MARCHF3: variants seen among roughly 807,000 people sequenced by gnomAD.
MARCHF3 encodes membrane associated ring-CH-type finger 3, also known as E3 ubiquitin-protein ligase MARCHF3.
MARCHF3 carries 13 observed loss-of-function variants against 24.2 expected under a neutral mutation model. The observed-to-expected ratio is 0.54, with a 90% CI of 0.35 to 0.85. The LOEUF (loss-of-function observed/expected upper bound fraction) is 0.85. Among genes scored for constraint, MARCHF3 ranks in the 40% least tolerant of loss-of-function variants. MARCHF3 has a pLI of 0.01. For missense variants in MARCHF3, 276 were observed against 325.0 expected (o/e 0.85, Z 1.16); for synonymous variants, 144 against 137.3 (o/e 1.05, Z -0.34).
At chr5:126,913,090 T>C (rs1288306688) in intron 3 of MARCHF3, among the ~76,000 whole-genome samples, 1 of 152,250 alleles carries the variant, frequency 6.6e-6, no homozygotes, top group Non-Finnish European at 1.5e-5. Context: ...TGTGGGTACA[T>C]GTTACCCTCT....
intron 3 of MARCHF3, among the ~76,000 whole-genome samples, chr5:126,896,474 C>G (rs998125432): frequency 6.6e-6 from 1 of 152,128 alleles, no homozygotes; most frequent in Non-Finnish European, 1.5e-5. Context: ...TCTGCTCCAA[C>G]TGGGAAACAC....
chr5:126,917,860 TCC>T, intron 2 of MARCHF3, 122 bp downstream of exon 2: 2 of 941,022 alleles, frequency 2.1e-6, no homozygotes, highest in South Asian at 2.1e-5. Flanking sequence ...TTTTTTTTTT[TCC>T]AGCACCTCCT....
chr5:126,984,989 A>G (rs768222863), intron 1 of MARCHF3, among the ~76,000 whole-genome samples: 79 of 152,124 alleles, frequency 5.2e-4, no homozygotes, highest in Admixed American at 9.2e-4. Flanking sequence ...CAGCCCTGGA[A>G]AAAAGAGGAA....
chr5:126,958,244 C>T (rs1750513823), intron 1 of MARCHF3, among the ~76,000 whole-genome samples: 1 of 152,074 alleles, frequency 6.6e-6, no homozygotes, highest in African/African-American at 2.4e-5. Context: ...ACTGAATGAT[C>T]ATGATGACAG....
At chr5:126,950,491 C>A (rs937759204) in intron 1 of MARCHF3, among the ~76,000 whole-genome samples, 3 of 152,186 alleles carry the variant, frequency 2.0e-5, no homozygotes, top group Non-Finnish European at 2.9e-5. Flanking sequence ...AGAGAACTTC[C>A]ACAGACTCTC....
chr5:126,899,368 C>G, intron 3 of MARCHF3: 1 of 912,010 alleles, frequency 1.1e-6, no homozygotes, highest in East Asian at 1.2e-4. Context: ...GTTTACCAAT[C>G]TGAATTATCT....
intron 3 of MARCHF3, among the ~76,000 whole-genome samples, chr5:126,887,740 A>C (rs1753552270): frequency 6.6e-6 from 1 of 152,256 alleles, no homozygotes; most frequent in African/African-American, 2.4e-5. Flanking sequence ...TCAGAGCCTT[A>C]CAGTGGCCGT....
At chr5:127,015,348 G>C (rs559663149) in intron 1 of MARCHF3, among the ~76,000 whole-genome samples, 1 of 152,236 alleles carries the variant, frequency 6.6e-6, no homozygotes, top group African/African-American at 2.4e-5. Context: ...GAGATCACCT[G>C]GGGAAAGGTC....
At chr5:126,974,277 A>G (rs1751120516) in intron 1 of MARCHF3, among the ~76,000 whole-genome samples, 1 of 152,162 alleles carries the variant, frequency 6.6e-6, no homozygotes, top group Non-Finnish European at 1.5e-5. Context: ...AGCAGGTCAG[A>G]TTGCTGGGAA....
chr5:126,981,451 A>C (rs1369096171), intron 1 of MARCHF3, among the ~76,000 whole-genome samples: 2 of 152,212 alleles, frequency 1.3e-5, no homozygotes, highest in Admixed American at 6.5e-5. Flanking sequence ...TAACTTAGTA[A>C]GACGAGTCTT....
chr5:126,968,700 G>A (rs891466833), intron 1 of MARCHF3, among the ~76,000 whole-genome samples: 3 of 152,092 alleles, frequency 2.0e-5, no homozygotes, highest in African/African-American at 7.2e-5. Flanking sequence ...GTAGTCTCCA[G>A]AGTAGCTGGG....
intron 3 of MARCHF3, among the ~76,000 whole-genome samples, chr5:126,892,695 AT>A (rs1375981248): frequency 3.3e-5 from 5 of 149,764 alleles, no homozygotes; most frequent in Non-Finnish European, 7.4e-5. Context: ...TTTTGCCAGT[AT>A]TTTATTGAGA....
intron 3 of MARCHF3, among the ~76,000 whole-genome samples, chr5:126,894,357 C>A (rs189543065): frequency 6.8e-6 from 1 of 146,948 alleles, no homozygotes; most frequent in African/African-American, 2.5e-5. Context: ...TTATTTTGCT[C>A]GTTAGTTGCA....
intron 1 of MARCHF3, among the ~76,000 whole-genome samples, chr5:126,930,544 A>G (rs1749447714): frequency 6.6e-6 from 1 of 152,212 alleles, no homozygotes; most frequent in Non-Finnish European, 1.5e-5. Context: ...TCATGCCTGT[A>G]TAGCTCAGGC....
At chr5:126,979,026 C>T (rs1751299503) in intron 1 of MARCHF3, among the ~76,000 whole-genome samples, 1 of 152,218 alleles carries the variant, frequency 6.6e-6, no homozygotes, top group South Asian at 2.1e-4. Context: ...TTTGTTACCT[C>T]TATCATATTT....
At chr5:126,996,822 G>GT (rs1751962950) in intron 1 of MARCHF3, among the ~76,000 whole-genome samples, 1 of 152,074 alleles carries the variant, frequency 6.6e-6, no homozygotes, top group African/African-American at 2.4e-5. Context: ...AAATAAGCGT[G>GT]AAGAGATAGA....
At chr5:126,888,843 C>T (rs953747172) in intron 3 of MARCHF3, among the ~76,000 whole-genome samples, 1 of 152,206 alleles carries the variant, frequency 6.6e-6, no homozygotes, top group East Asian at 1.9e-4. Context: ...TGGCTCACTG[C>T]AACCTCCACC....
At chr5:126,879,163 T>A (rs4836300) in intron 3 of MARCHF3, among the ~76,000 whole-genome samples, 1 of 152,060 alleles carries the variant, frequency 6.6e-6, no homozygotes, top group African/African-American at 2.4e-5. Context: ...GAATTAAGCA[T>A]ATTTGTTTGA....
At chr5:127,016,819 C>T (rs559566998) in intron 1 of MARCHF3, among the ~76,000 whole-genome samples, 20 of 152,206 alleles carry the variant, frequency 1.3e-4, no homozygotes, top group Admixed American at 2.6e-4. Flanking sequence ...ATATGTATTG[C>T]GGCACTATTC....
Sources: allele counts gnomAD v4.1 joint callset (sites outside exome capture counted in the v4.1 genomes callset), GRCh38; gene constraint gnomAD v4.1.1; transcripts MANE v1.5; gene names NCBI Gene and HGNC (gene_info 2026-07-23, HGNC 2026-07-21).